SLC38A3: variants seen among roughly 807,000 people sequenced by gnomAD.
The protein encoded by SLC38A3 is sodium-coupled neutral amino acid transporter 3.
Under a neutral mutation model 59.5 loss-of-function variants are expected in SLC38A3, and 17 were observed. That is an observed-to-expected ratio of 0.29 (90% CI 0.20 to 0.43). The LOEUF (loss-of-function observed/expected upper bound fraction) is 0.43, where lower values mean the gene tolerates loss of function less well. Ranked by LOEUF, SLC38A3 falls within the 20% of genes least tolerant of loss-of-function variation. The probability of loss-of-function intolerance (pLI) is 1.00; values close to 1 mark genes in which losing one functional copy is unlikely to be tolerated. For synonymous variants in SLC38A3, 238 were observed against 260.3 expected (o/e 0.91, Z 0.82); for missense variants, 454 against 653.9 (o/e 0.69, Z 3.33).
intron 1 of SLC38A3, among the ~76,000 whole-genome samples, chr3:50,211,568 CTTTTTTTTTTT>C (rs765148889): frequency 6.2e-5 from 5 of 81,208 alleles, no homozygotes; most frequent in East Asian, 5.6e-4. Flanking sequence ...TGCCCCCATC[CTTTTTTTTTTT>C]TTTTTTTTTT....
chr3:50,211,338 C>T (rs562885158), intron 1 of SLC38A3, among the ~76,000 whole-genome samples: 3 of 152,216 alleles, frequency 2.0e-5, no homozygotes, highest in East Asian at 3.9e-4. Context: ...CTGCCCTGGA[C>T]CAAAGTCCAG....
In SLC38A3 at chr3:50,214,337, G is replaced by A. The variant is rs766620379; in HGVS notation, c.101+37G>A. On this transcript the variant is annotated intron_variant, in intron 2 of 15. Coordinates refer to ENST00000614032, the MANE Select transcript of SLC38A3 (RefSeq NM_006841.6). The surrounding 1 kb of genome is among the most constrained non-coding windows in gnomAD (Gnocchi z 6.0). ...AGGGACCCAGTGGTGGCTGAAGACAGGGCAGGGCAGGGATACAGAGCAAAG... is the reference window on the plus strand; with the variant it reads ...AGGGACCCAGTGGTGGCTGAAGACAAGGCAGGGCAGGGATACAGAGCAAAG... 1 of 1,609,328 alleles carries A rather than the reference G, an allele frequency of 6.2e-7. No homozygotes were observed. Among genetic ancestry groups the A allele is most frequent in the South Asian group, 1.1e-5 (1 of 90,502 alleles).
At chr3:50,212,649 G>A (rs1447487384) in intron 1 of SLC38A3, among the ~76,000 whole-genome samples, 6 of 151,942 alleles carry the variant, frequency 3.9e-5, no homozygotes, top group African/African-American at 1.5e-4. Flanking sequence ...GCCTGGGGCT[G>A]CCTGGGGCAG....
intron 1 of SLC38A3, among the ~76,000 whole-genome samples, chr3:50,213,522 G>T (rs1368135124): frequency 2.0e-5 from 3 of 152,194 alleles, no homozygotes; most frequent in Non-Finnish European, 2.9e-5. Context: ...CTCTGGGGAG[G>T]GGGGACAGCC....
At position 50,214,189 on chromosome 3, in the gene SLC38A3, T is replaced by C; in HGVS notation, c.-11T>C. On this transcript the variant is annotated 5_prime_UTR_variant, in exon 2 of 16. Coordinates refer to ENST00000614032, the MANE Select transcript of SLC38A3 (RefSeq NM_006841.6). This position sits in a 1 kb window ranked among gnomAD's most constrained non-coding sequence, Gnocchi z 6.0. The stretch of plus-strand genomic sequence containing the variant: ...TGTGAGACCAGTGCTCCTGGTGGTG[T>C]GCCCTGAGCCATGGAGGCGCCTTTG... 1 of 1,611,550 alleles carries C rather than the reference T, an allele frequency of 6.2e-7. No individual in the cohort carries two copies. Among genetic ancestry groups the C allele is most frequent in the Non-Finnish European group, 8.5e-7 (1 of 1,178,510 alleles).
chr3:50,211,918 A>G (rs1482378482), intron 1 of SLC38A3, among the ~76,000 whole-genome samples: 1 of 152,096 alleles, frequency 6.6e-6, no homozygotes, highest in East Asian at 1.9e-4. Context: ...ACCCAGCATT[A>G]TGTGGCTCAC....
rs759758172 is a variant in SLC38A3 at position 50,217,851 on chromosome 3, G to A, written c.855+11G>A. The A allele has an allele frequency of 2.5e-6, 4 of 1,613,930 alleles. No individual in the cohort carries two copies. The highest frequency in any genetic ancestry group is 1.7e-5 in the Admixed American group (1 of 60,008). On this transcript the variant is annotated intron_variant, in intron 10 of 15. Transcript: ENST00000614032. This position sits in a 1 kb window ranked among gnomAD's most constrained non-coding sequence, Gnocchi z 4.9. ...ACGCTCAACTCACAGGTTCTGACAGGTCAGGGCAAGGCGGGGGCCCAATGA... is the reference window on the plus strand; with the variant it reads ...ACGCTCAACTCACAGGTTCTGACAGATCAGGGCAAGGCGGGGGCCCAATGA...
chr3:50,207,113 G>T (rs1385142748), intron 1 of SLC38A3, among the ~76,000 whole-genome samples: 3 of 152,228 alleles, frequency 2.0e-5, no homozygotes, highest in African/African-American at 4.8e-5. Context: ...GGGGAGTGGT[G>T]TGGGGTGGGC....
rs1297494764 is a variant in SLC38A3, at chr3:50,214,424, T to C, written c.124T>C (p.Cys42Arg). Residue 42 changes from cysteine (C) to arginine (R), a missense_variant, in exon 3 of 16, where the codon TGT (cysteine) becomes CGT (arginine). Cys to Arg is a radical substitution (Grantham distance 180). Coordinates refer to ENST00000614032, the MANE Select transcript of SLC38A3 (RefSeq NM_006841.6). This position sits in a 1 kb window ranked among gnomAD's most constrained non-coding sequence, Gnocchi z 6.0. ...CAGGGTCGAGGACCCTGCACGGAGC[T>C]GTATGGAGGGCAAGAGCTTCCTACA... Reference protein sequence around the residue: ...NQRVEDPARSCMEGKSFLQKS... With the variant: ...NQRVEDPARSRMEGKSFLQKS... The C allele has an allele frequency of 3.8e-6, 6 of 1,582,744 alleles. No individual in the cohort carries two copies. The highest frequency in any genetic ancestry group is 5.2e-6 in the Non-Finnish European group (6 of 1,164,646).
At position 50,220,117 on chromosome 3, in the gene SLC38A3, C is replaced by G; in HGVS notation, c.1455C>G (p.Ser485Arg). The G allele has an allele frequency of 6.2e-7, 1 of 1,606,666 alleles. No individual in the cohort carries two copies. Among genetic ancestry groups the G allele is most frequent in the South Asian group, 1.1e-5 (1 of 89,604 alleles). The part of the protein sequence containing the change: ...AMLGFLLMTM[S>R]LSFIIIDWAS... ...TTGGCTTCTTGCTGATGACCATGAG[C>G]TTGAGCTTCATCATCATTGACTGGG... The change falls in exon 16 of 16, where the codon AGC becomes AGG. Residue 485 changes from serine (S) to arginine (R), a missense_variant. Around this residue, in one of 3 missense-constraint regions of SLC38A3, gnomAD observed 59 missense variants for 70.8 expected, o/e 0.83. Transcript: ENST00000614032.
intron 1 of SLC38A3, among the ~76,000 whole-genome samples, chr3:50,209,459 T>C (rs1330003743): frequency 3.9e-5 from 6 of 152,020 alleles, no homozygotes; most frequent in African/African-American, 1.5e-4. Context: ...CCATCCTGGC[T>C]AACATGGTGA....
Position 50,214,851 on chromosome 3 carries a change from T to C in SLC38A3, c.299+83T>C, listed in dbSNP as rs1030211424. 2 of 882,980 alleles carry C rather than the reference T, an allele frequency of 2.3e-6. No individual in the cohort carries two copies. The highest frequency in any genetic ancestry group is 3.4e-5 in the African/African-American group (2 of 59,204). 54.7% of individuals were successfully genotyped at this position (882,980 alleles called of 1,614,324 possible). On this transcript the variant is annotated intron_variant, in intron 4 of 15. Transcript: ENST00000614032. This position sits in a 1 kb window ranked among gnomAD's most constrained non-coding sequence, Gnocchi z 6.0. ...GACCTCCCAGGACCCGCCAGTTCCCTGTCCCAGCATCCAGGCTGCAGTGGG... is the reference window on the plus strand; with the variant it reads ...GACCTCCCAGGACCCGCCAGTTCCCCGTCCCAGCATCCAGGCTGCAGTGGG...
At chr3:50,208,664 G>A (rs1043068625) in intron 1 of SLC38A3, among the ~76,000 whole-genome samples, 5 of 152,058 alleles carry the variant, frequency 3.3e-5, no homozygotes, top group Non-Finnish European at 5.9e-5. Flanking sequence ...TGTTTCTGTC[G>A]CTGTCTGTCT....
chr3:50,220,150 G>A lies in SLC38A3; in HGVS notation c.1488G>A (p.Gly496=). Residue 496 remains glycine, a synonymous_variant, in exon 16 of 16, where the codon GGG becomes GGA. Coordinates refer to ENST00000614032, the MANE Select transcript of SLC38A3 (RefSeq NM_006841.6). ...LSFIIIDWAS[G]TSRHGGNH Reference sequence around the variant, plus strand: ...TCATCATCATTGACTGGGCCTCAGGGACCAGCCGGCATGGAGGAAACCACT... The same window carrying A: ...TCATCATCATTGACTGGGCCTCAGGAACCAGCCGGCATGGAGGAAACCACT... 6.3e-7 allele frequency: 1 copy of A among 1,598,366 alleles called. No individual in the cohort carries two copies. The highest frequency in any genetic ancestry group is 8.5e-7 in the Non-Finnish European group (1 of 1,171,686).
intron 1 of SLC38A3, chr3:50,207,316 T>A (rs927788511): frequency 1.3e-5 from 2 of 152,238 alleles, no homozygotes; most frequent in African/African-American, 4.8e-5. Context: ...TTATTTTTTT[T>A]ATTTTTTTCA....
chr3:50,215,870 AGGGGT>A lies in SLC38A3; in HGVS notation c.548+64_548+68del, dbSNP rs1365860131. On this transcript the variant is annotated intron_variant, in intron 7 of 15. Transcript: ENST00000614032. The surrounding 1 kb of genome is among the most constrained non-coding windows in gnomAD (Gnocchi z 7.1). ...AGGGGAGGGGTGCGGTGCAGTGAGGAGGGGTGGGGTGGGGTGGGGCTGGGTGAGGG... is the reference window on the plus strand; with the variant it reads ...AGGGGAGGGGTGCGGTGCAGTGAGGAGGGGTGGGGTGGGGCTGGGTGAGGG... 5 of 40,262 alleles carry A rather than the reference AGGGGT, an allele frequency of 1.2e-4. No homozygotes were observed. The highest frequency in any genetic ancestry group is 4.6e-4 in the Admixed American group (1 of 2,152). 2.5% of individuals were successfully genotyped at this position (40,262 alleles called of 1,614,324 possible). A position where few individuals can be genotyped will look rare whatever the true frequency, so the allele number is the denominator to read the frequency against.
intron 1 of SLC38A3, among the ~76,000 whole-genome samples, chr3:50,209,771 A>T (rs13084528): frequency 6.6e-6 from 1 of 152,278 alleles, no homozygotes; most frequent in East Asian, 1.9e-4. Flanking sequence ...ACAGAGCCAC[A>T]GACCCTAGAT....
At chr3:50,219,156 C>A (rs1041371826) in intron 14 of SLC38A3, among the ~76,000 whole-genome samples, 1 of 152,208 alleles carries the variant, frequency 6.6e-6, no homozygotes, top group African/African-American at 2.4e-5. Flanking sequence ...TGCTGGAGGA[C>A]AGGGGTGGAT....
intron 1 of SLC38A3, among the ~76,000 whole-genome samples, chr3:50,212,059 C>G (rs1699739321): frequency 6.6e-6 from 1 of 152,156 alleles, no homozygotes; most frequent in African/African-American, 2.4e-5. Context: ...TGCCCAAGAC[C>G]CAGCAATGAC....
Sources: gnomAD v4.1 joint callset for allele counts (sites outside exome capture counted in the v4.1 genomes callset) on GRCh38, gnomAD v4.1.1 for gene constraint, gnomAD v4.1.1 regional missense constraint, Gnocchi (gnomAD v3.1) non-coding constraint, MANE v1.5 for transcripts, NCBI Gene and HGNC (gene_info 2026-07-23, HGNC 2026-07-21) for gene names.